Variants in RAB11FIP4 observed in about 807,000 individuals in gnomAD.
RAB11FIP4 encodes RAB11 family interacting protein 4.
A neutral mutation model predicts 74.3 loss-of-function variants in RAB11FIP4; 23 were observed. That is an observed-to-expected ratio of 0.31 (90% confidence interval 0.22 to 0.44). The LOEUF (loss-of-function observed/expected upper bound fraction) is 0.44. Ranked by LOEUF, RAB11FIP4 falls within the 20% of genes least tolerant of loss-of-function variation. The probability of loss-of-function intolerance (pLI) is 1.00; values close to 1 mark genes in which losing one functional copy is unlikely to be tolerated. For synonymous variants in RAB11FIP4, 360 were observed against 359.9 expected, an observed-to-expected ratio of 1.00 and a Z score of 0.00; for missense variants, 630 against 863.9, an observed-to-expected ratio of 0.73 and a Z score of 3.39.
intron 3 of RAB11FIP4, among the ~76,000 whole-genome samples, chr17:31,497,730 A>G (rs1466099309): frequency 6.6e-6 from 1 of 152,160 alleles, no homozygotes; most frequent in Non-Finnish European, 1.5e-5. Context: ...AGACAGCCAC[A>G]TGGGGATGTC....
At chr17:31,423,627 C>T (rs1006565094) in intron 1 of RAB11FIP4, among the ~76,000 whole-genome samples, 4 of 151,804 alleles carry the variant, frequency 2.6e-5, no homozygotes, top group Admixed American at 6.6e-5. Context: ...GTTTTCAAAG[C>T]CTTTGCAGTG....
At chr17:31,461,094 T>A (rs1208077933) in intron 3 of RAB11FIP4, among the ~76,000 whole-genome samples, 1 of 97,176 alleles carries the variant, frequency 1.0e-5, no homozygotes, top group Non-Finnish European at 2.0e-5. Context: ...AGACCCCTAC[T>A]CATAGCCCTT....
chr17:31,520,952 TAGC>T, intron 4 of RAB11FIP4: 1 of 356,768 alleles, frequency 2.8e-6, no homozygotes, highest in Non-Finnish European at 5.0e-6. Flanking sequence ...TACTGTGGAG[TAGC>T]ATGGGTAGAA....
chr17:31,392,102 C>A, intron 1 of RAB11FIP4, 91 bp downstream of exon 1: 2 of 961,734 alleles, frequency 2.1e-6, no homozygotes, highest in Non-Finnish European at 2.5e-6. Context: ...ACCCGCGTGG[C>A]CCGAGGCGGT....
intron 3 of RAB11FIP4, among the ~76,000 whole-genome samples, chr17:31,464,914 T>A (rs972145461): frequency 2.0e-5 from 3 of 151,520 alleles, no homozygotes; most frequent in African/African-American, 7.3e-5. Context: ...GCACGTACCA[T>A]CATGCCTGGC....
intron 3 of RAB11FIP4, among the ~76,000 whole-genome samples, chr17:31,476,996 C>T (rs2071800263): frequency 6.6e-6 from 1 of 152,236 alleles, no homozygotes; most frequent in Admixed American, 6.5e-5. Context: ...CTTGGGCAGG[C>T]CCCAGGGAGC....
intron 3 of RAB11FIP4, among the ~76,000 whole-genome samples, chr17:31,484,981 G>C (rs2071887043): frequency 6.6e-6 from 1 of 152,210 alleles, no homozygotes; most frequent in South Asian, 2.1e-4. Flanking sequence ...TATGGCCCTT[G>C]GCCCCGGCAC....
At position 31,498,368 on chromosome 17, in the gene RAB11FIP4, A is replaced by G. The variant is rs1369918766; in HGVS notation, c.337-19283A>G. Among the ~76,000 whole-genome samples the G allele has an allele frequency of 3.3e-5, 5 of 152,220 alleles. No homozygotes were observed. In the East Asian group the frequency reaches 9.6e-4, roughly 29 times the overall value. ...CTGGGTCTAGCAAAGGCCACAGGAC[A>G]AAGAGAGACACCTGAACTGAGCTTG... On this transcript the variant is annotated intron_variant, in intron 3 of 14. Transcript: ENST00000621161.
intron 3 of RAB11FIP4, among the ~76,000 whole-genome samples, chr17:31,464,749 CTTTTTTTTTTTT>C (rs58083480): frequency 3.5e-4 from 14 of 39,636 alleles, no homozygotes; most frequent in Non-Finnish European, 5.1e-4. Context: ...CTGTGCCCGG[CTTTTTTTTTTTT>C]TTTTTTTTTT....
rs186337099 is a variant in RAB11FIP4 at position 31,402,847 on chromosome 17, G to C, written c.159+10836G>C. Among the ~76,000 whole-genome samples, 329 of 151,732 alleles carry C rather than the reference G, an allele frequency of 2.2e-3. 1 individual carries two copies. The highest frequency in any genetic ancestry group is 3.5e-3 in the South Asian group (17 of 4,802). ...TCACCGTGTTAGCCAGGATGGTCTCGATCTCCTGACCTTGTGATCCACCCG... is the reference window on the plus strand; with the variant it reads ...TCACCGTGTTAGCCAGGATGGTCTCCATCTCCTGACCTTGTGATCCACCCG... On this transcript the variant is annotated intron_variant, in intron 1 of 14. Coordinates refer to ENST00000621161, the MANE Select transcript of RAB11FIP4 (RefSeq NM_032932.6).
chr17:31,427,256 C>A (rs1407253552), intron 1 of RAB11FIP4, among the ~76,000 whole-genome samples: 1 of 152,228 alleles, frequency 6.6e-6, no homozygotes, highest in Non-Finnish European at 1.5e-5. Context: ...CCACTGCGCC[C>A]GGCTGGCCTG....
intron 3 of RAB11FIP4, among the ~76,000 whole-genome samples, chr17:31,475,799 G>GTT (rs11451772): frequency 0.024 from 3,355 of 141,928 alleles, 60 homozygotes; most frequent in South Asian, 0.046. Flanking sequence ...TTTTTGTGTG[G>GTT]TTTTTTTTTT....
At chr17:31,425,640 TTGAG>T (rs1253962055) in intron 1 of RAB11FIP4, among the ~76,000 whole-genome samples, 1 of 152,220 alleles carries the variant, frequency 6.6e-6, no homozygotes, top group Non-Finnish European at 1.5e-5. Context: ...AGCCTGGTAA[TTGAG>T]TGGCCCCAAA....
intron 3 of RAB11FIP4, chr17:31,487,988 A>T: frequency 1.2e-6 from 1 of 847,316 alleles, no homozygotes; most frequent in Non-Finnish European, 1.4e-6. Flanking sequence ...CCCCGGCGCG[A>T]GGCCCCGCCC....
At chr17:31,485,437 C>G (rs1420326246) in intron 3 of RAB11FIP4, among the ~76,000 whole-genome samples, 1 of 152,158 alleles carries the variant, frequency 6.6e-6, no homozygotes, top group Non-Finnish European at 1.5e-5. Context: ...CTCCATTGAC[C>G]TTCTCTGGGA....
At chr17:31,413,441 AAG>A (rs968819897) in intron 1 of RAB11FIP4, among the ~76,000 whole-genome samples, 3 of 149,280 alleles carry the variant, frequency 2.0e-5, no homozygotes, top group African/African-American at 7.4e-5. Context: ...GCCCCCCGAG[AAG>A]AGAGTGTCTT....
At chr17:31,445,656 G>A (rs571858246) in intron 3 of RAB11FIP4, among the ~76,000 whole-genome samples, 9 of 138,162 alleles carry the variant, frequency 6.5e-5, no homozygotes, top group Admixed American at 4.0e-4. Flanking sequence ...CGTGATCTCC[G>A]CTCACCGCAA....
chr17:31,467,099 C>CTTTCTTTTCTTTTCT lies in RAB11FIP4; in HGVS notation c.336+32991_336+33005dup, dbSNP rs137979635. On this transcript the variant is annotated intron_variant, in intron 3 of 14. Transcript: ENST00000621161. The stretch of plus-strand genomic sequence containing the variant: ...TCCTGCATCTAGCTCCTGAGTATTT[C>CTTTCTTTTCTTTTCT]TTTCTTTTCTTTTCTTTTCTTTTCT... 4.8e-3 allele frequency among the ~76,000 whole-genome samples: 709 copies of CTTTCTTTTCTTTTCT among 148,990 alleles called. 3 individuals carry two copies. Among genetic ancestry groups the CTTTCTTTTCTTTTCT allele is most frequent in the African/African-American group, 0.016 (632 of 40,484 alleles).
intron 3 of RAB11FIP4, among the ~76,000 whole-genome samples, chr17:31,492,984 G>T (rs930532334): frequency 3.3e-5 from 5 of 152,090 alleles, no homozygotes; most frequent in Non-Finnish European, 7.4e-5. Flanking sequence ...TAGGCAACCA[G>T]AAGGACGTGC....
Sources: gnomAD v4.1 joint callset for allele counts (sites outside exome capture counted in the v4.1 genomes callset) on GRCh38, gnomAD v4.1.1 for gene constraint, MANE v1.5 for transcripts, NCBI Gene and HGNC (gene_info 2026-07-23, HGNC 2026-07-21) for gene names.